The following SERPINA1 variants were observed in gnomAD, a reference collection of about 807,000 sequenced individuals.
SERPINA1 encodes the protein serpin family A member 1.
In SERPINA1, 21 loss-of-function variants were observed where a neutral mutation model predicts 25.4. The observed-to-expected ratio is 0.83, with a 90% CI of 0.59 to 1.19. SERPINA1 has a LOEUF of 1.19. Ranked by LOEUF, SERPINA1 falls within the 50% of genes most tolerant of loss-of-function variation. The pLI is 0.00. For missense variants in SERPINA1, 546 were observed against 509.0 expected (o/e 1.07, Z -0.70); for synonymous variants, 218 against 211.1 (o/e 1.03, Z -0.29).
At chr14:94,387,407 C>T (rs907212793) in intron 1 of SERPINA1, among the ~76,000 whole-genome samples, 2 of 152,188 alleles carry the variant, frequency 1.3e-5, no homozygotes, top group African/African-American at 2.4e-5. Context: ...CTTTTAGAGG[C>T]GTTCTATAGG....
chr14:94,389,595 G>A (rs1206792509), upstream of SERPINA1: 1 of 152,178 alleles, frequency 6.6e-6, no homozygotes, highest in Non-Finnish European at 1.5e-5. Context: ...GTACAGGGTT[G>A]AGGCTAGTGG....
At position 94,378,285 on chromosome 14, in the gene SERPINA1, G is replaced by A. The variant is rs1242735675; in HGVS notation, c.*164C>T. ...GTTCAGGGGGCCCGAAGACAGCACT[G>A]TTACCTGGAGCCCACATACAGCCTC... On this transcript the variant is annotated 3_prime_UTR_variant, in exon 5 of 5. Coordinates refer to ENST00000393087, the MANE Select transcript of SERPINA1 (RefSeq NM_000295.5). 1.5e-6 allele frequency: 1 copy of A among 665,284 alleles called. No individual in the cohort carries two copies. The allele number at this position is 665,284 out of a possible 1,614,324, so 41.2% of individuals were successfully genotyped here. A position where few individuals can be genotyped will look rare whatever the true frequency, so the allele number is the denominator to read the frequency against.
Position 94,380,894 on chromosome 14 carries a change from C to G in SERPINA1, c.894G>C (p.Lys298Asn). 1 of 1,614,192 alleles carries G rather than the reference C, an allele frequency of 6.2e-7. No homozygotes were observed. Residue 298 changes from lysine (K) to asparagine (N), a missense_variant, in exon 3 of 5, where the codon AAG becomes AAC. Physicochemically the swap from Lys to Asn is moderately conservative, Grantham distance 94 (BLOSUM62 0). Coordinates refer to ENST00000393087, the MANE Select transcript of SERPINA1 (RefSeq NM_000295.5). ...ACCTTCTGTCTTCATTTTCCAGGAACTTGGTGATGATATCGTGGGTGAGTT... is the reference window on the plus strand; with the variant it reads ...ACCTTCTGTCTTCATTTTCCAGGAAGTTGGTGATGATATCGTGGGTGAGTT... ...ENELTHDIIT[K>N]FLENEDRRSA... is the part of the protein sequence containing the mutation.
At chr14:94,384,951 C>T (rs1006655713) in intron 1 of SERPINA1, among the ~76,000 whole-genome samples, 1 of 152,194 alleles carries the variant, frequency 6.6e-6, no homozygotes, top group Non-Finnish European at 1.5e-5. Context: ...TTACATAATA[C>T]ATGTTTGTAT....
chr14:94,388,983 T>C (rs1897493043), upstream of SERPINA1: 1 of 152,226 alleles, frequency 6.6e-6, no homozygotes, highest in African/African-American at 2.4e-5. Flanking sequence ...CACCCCAAAA[T>C]GCCTGATGCT....
Position 94,383,256 on chromosome 14 carries a change from TG to T in SERPINA1, c.-4-16del. On this transcript the variant is annotated splice_polypyrimidine_tract_variant and intron_variant, in intron 1 of 4. Coordinates refer to ENST00000393087, the MANE Select transcript of SERPINA1 (RefSeq NM_000295.5). ...ACGGCATTGTCCTGCAAGACAGAGATGGGGGGGCCAGGCCCCGAGTCAAGGC... is the reference window on the plus strand; with the variant it reads ...ACGGCATTGTCCTGCAAGACAGAGATGGGGGGCCAGGCCCCGAGTCAAGGC... The T allele has an allele frequency of 8.1e-6, 13 of 1,605,940 alleles. No individual in the cohort carries two copies. The highest frequency in any genetic ancestry group is 7.6e-6 in the Non-Finnish European group (9 of 1,177,856).
intron 4 of SERPINA1, 194 bp downstream of exon 4, chr14:94,379,270 C>T: frequency 6.5e-6 from 5 of 771,694 alleles, no homozygotes; most frequent in Non-Finnish European, 1.1e-5. Flanking sequence ...GTGCCAGCTG[C>T]ACAGCAGTCC....
intron 2 of SERPINA1, among the ~76,000 whole-genome samples, chr14:94,382,356 G>A (rs552201772): frequency 2.2e-4 from 33 of 152,260 alleles, no homozygotes; most frequent in African/African-American, 7.2e-4. Flanking sequence ...GACATTAAAG[G>A]CTCTGAAAAG....
Position 94,378,139 on chromosome 14 carries a change from A to C in SERPINA1, c.*310T>G. On this transcript the variant is annotated 3_prime_UTR_variant, in exon 5 of 5. Coordinates refer to ENST00000393087, the MANE Select transcript of SERPINA1 (RefSeq NM_000295.5). ...GATTCCTTCTTGGGGACTCCAAGAC[A>C]GGACAAGGAAGACTGGAGCCCTCCA... 1 of 423,814 alleles carries C rather than the reference A, an allele frequency of 2.4e-6. No individual in the cohort carries two copies. The highest frequency in any genetic ancestry group is 4.3e-6 in the Non-Finnish European group (1 of 232,356). The allele number at this position is 423,814 out of a possible 1,614,324, so 26.3% of individuals were successfully genotyped here.
In SERPINA1 at chr14:94,387,725, A is replaced by G. The variant is rs543917468; in HGVS notation, c.-5+835T>C. On this transcript the variant is annotated intron_variant, in intron 1 of 4. Transcript: ENST00000393087. ...TTTGGGGACTGGAGCCAGGTGCCTG[A>G]GCCCGAATTATGGATGGTGTGTGAT... Among the ~76,000 whole-genome samples, 12 of 152,286 alleles carry G rather than the reference A, an allele frequency of 7.9e-5. No homozygotes were observed. The East Asian group carries it at 2.1e-3, about 27-fold the overall frequency.
At position 94,378,267 on chromosome 14, in the gene SERPINA1, G is replaced by A. The variant is rs138518740; in HGVS notation, c.*182C>T. The A allele has an allele frequency of 3.2e-6, 2 of 629,184 alleles. No homozygotes were observed. Among genetic ancestry groups the A allele is most frequent in the Non-Finnish European group, 5.7e-6 (2 of 353,810 alleles). 39.0% of individuals were successfully genotyped at this position (629,184 alleles called of 1,614,324 possible). ...AGATGCTCCATGAACACAGTTCAGGGGGCCCGAAGACAGCACTGTTACCTG... is the reference window on the plus strand; with the variant it reads ...AGATGCTCCATGAACACAGTTCAGGAGGCCCGAAGACAGCACTGTTACCTG... On this transcript the variant is annotated 3_prime_UTR_variant, in exon 5 of 5. Transcript: ENST00000393087.
At chr14:94,382,098 G>A (rs1896967901) in intron 2 of SERPINA1, among the ~76,000 whole-genome samples, 2 of 152,180 alleles carry the variant, frequency 1.3e-5, no homozygotes, top group South Asian at 4.1e-4. Context: ...CAGCAAGAAT[G>A]GTATTTTGTC....
intron 2 of SERPINA1, 91 bp from the exon 3 acceptor site, chr14:94,381,232 G>A (rs568781838): frequency 7.6e-7 from 1 of 1,319,166 alleles, no homozygotes; most frequent in East Asian, 2.4e-5. Context: ...CCCTCCCTGA[G>A]AAGCCCTGAG....
chr14:94,379,362 G>T (rs1896665899), intron 4 of SERPINA1, 102 bp downstream of exon 4: 4 of 1,530,910 alleles, frequency 2.6e-6, no homozygotes, highest in Non-Finnish European at 3.6e-6. Flanking sequence ...GTCTTCATTT[G>T]TTTCCCTCGG....
At position 94,379,463 on chromosome 14, in the gene SERPINA1, C is replaced by A; in HGVS notation, c.1065+1G>T. 2 of 1,614,156 alleles carry A rather than the reference C, an allele frequency of 1.2e-6. No homozygotes were observed. Among genetic ancestry groups the A allele is most frequent in the Non-Finnish European group, 1.7e-6 (2 of 1,180,038 alleles). ...CAACAAGGTCGTCAGGGTGATCTCA[C>A]CTTGGAGAGCTTCAGGGGTGCCTCC... On this transcript the variant is annotated splice_donor_variant, in intron 4 of 4. Coordinates refer to ENST00000393087, the MANE Select transcript of SERPINA1 (RefSeq NM_000295.5). LOFTEE classifies it high-confidence loss of function.
At chr14:94,385,719 A>C (rs1308906400) in intron 1 of SERPINA1, among the ~76,000 whole-genome samples, 1 of 152,208 alleles carries the variant, frequency 6.6e-6, no homozygotes, top group Non-Finnish European at 1.5e-5. Context: ...CCTCCTAGAC[A>C]GGGGAATTCT....
chr14:94,382,260 C>T (rs768433121), intron 2 of SERPINA1, among the ~76,000 whole-genome samples: 5 of 150,038 alleles, frequency 3.3e-5, no homozygotes, highest in Admixed American at 6.7e-5. Context: ...AAAGTATGTT[C>T]CATGAAACTA....
At chr14:94,385,368 T>C (rs1243161) in intron 1 of SERPINA1, among the ~76,000 whole-genome samples, 152,041 of 152,382 alleles carry the variant, frequency 1, 75,853 homozygotes, top group Middle Eastern at 1. Context: ...TCGCTTTATC[T>C]GCCAGGGTGG....
rs1315858395 is a variant in SERPINA1 at position 94,377,441 on chromosome 14, C to G, written c.*1008G>C. 2 of 152,454 alleles carry G rather than the reference C, an allele frequency of 1.3e-5. No individual in the cohort carries two copies. The highest frequency in any genetic ancestry group is 2.9e-5 in the Non-Finnish European group (2 of 68,182). 9.4% of individuals were successfully genotyped at this position (152,454 alleles called of 1,614,324 possible). A position where few individuals can be genotyped will look rare whatever the true frequency, so the allele number is the denominator to read the frequency against. On this transcript the variant is annotated 3_prime_UTR_variant, in exon 5 of 5. Coordinates refer to ENST00000393087, the MANE Select transcript of SERPINA1 (RefSeq NM_000295.5). ...AAGACTGCAGGGACAGCAACAGGCACAAAGAAGTCAGGCTGCATGTGGCCC... is the reference window on the plus strand; with the variant it reads ...AAGACTGCAGGGACAGCAACAGGCAGAAAGAAGTCAGGCTGCATGTGGCCC...
Sources: allele counts gnomAD v4.1 joint callset (sites outside exome capture counted in the v4.1 genomes callset), GRCh38; gene constraint gnomAD v4.1.1; transcripts MANE v1.5; gene names NCBI Gene and HGNC (gene_info 2026-07-23, HGNC 2026-07-21).